RTN1: variants seen among roughly 807,000 people sequenced by gnomAD.
RTN1 encodes the protein reticulon-1.
In RTN1, 25 loss-of-function variants were observed where a neutral mutation model predicts 65.5. The ratio of observed to expected loss-of-function variants is 0.38; its 90% CI spans 0.28 to 0.53. The LOEUF is 0.53. Ranked by LOEUF, RTN1 falls within the 20% of genes least tolerant of loss-of-function variation. The probability of loss-of-function intolerance (pLI) is 0.79; values close to 1 mark genes in which losing one functional copy is unlikely to be tolerated. For missense variants in RTN1, 983 were observed against 1,025.4 expected (o/e 0.96, Z 0.57); for synonymous variants, 471 against 447.6 (o/e 1.05, Z -0.66).
chr14:59,642,763 C>G (rs2140192864), intron 3 of RTN1, among the ~76,000 whole-genome samples: 1 of 152,224 alleles, frequency 6.6e-6, no homozygotes, highest in East Asian at 1.9e-4. Context: ...CAGCCATATC[C>G]AATATCTGGA....
At chr14:59,720,676 C>A (rs1258809053) in intron 3 of RTN1, among the ~76,000 whole-genome samples, 3 of 150,326 alleles carry the variant, frequency 2.0e-5, no homozygotes, top group African/African-American at 7.4e-5. Flanking sequence ...GAGCTGAGAT[C>A]GCGCCACTGC....
chr14:59,602,741 T>G (rs182956138), intron 8 of RTN1, among the ~76,000 whole-genome samples: 12 of 152,326 alleles, frequency 7.9e-5, no homozygotes, highest in Admixed American at 7.2e-4. Flanking sequence ...TTAATTTTAC[T>G]TTTTTGAATC....
At chr14:59,653,957 G>C (rs1429843795) in intron 3 of RTN1, among the ~76,000 whole-genome samples, 1 of 152,022 alleles carries the variant, frequency 6.6e-6, no homozygotes, top group Middle Eastern at 3.2e-3. Flanking sequence ...GGAGTGCAGT[G>C]GCACAATATC....
Position 59,610,697 on chromosome 14 carries a change from C to T in RTN1, c.1766-3205G>A, listed in dbSNP as rs529732983. Among the ~76,000 whole-genome samples, 15 of 152,264 alleles carry T rather than the reference C, an allele frequency of 9.9e-5. No homozygotes were observed. The East Asian group carries it at 2.7e-3, about 27-fold the overall frequency. On this transcript the variant is annotated intron_variant, in intron 3 of 8. Coordinates refer to ENST00000267484, the MANE Select transcript of RTN1 (RefSeq NM_021136.3). ...ATGGTAACTGCCCTTTCCCAAAGCACACCTCCTTCTTGCCTGGGGACTAGA... is the reference window on the plus strand; with the variant it reads ...ATGGTAACTGCCCTTTCCCAAAGCATACCTCCTTCTTGCCTGGGGACTAGA...
chr14:59,777,717 T>C (rs1346934201), intron 1 of RTN1, among the ~76,000 whole-genome samples: 1 of 152,084 alleles, frequency 6.6e-6, no homozygotes, highest in African/African-American at 2.4e-5. Context: ...TGACACTGTA[T>C]TTCCAGCAAA....
chr14:59,860,176 A>C (rs1053249482), intron 1 of RTN1, among the ~76,000 whole-genome samples: 3 of 152,122 alleles, frequency 2.0e-5, no homozygotes, highest in African/African-American at 7.2e-5. Context: ...CCTAGGAGAA[A>C]ATTATTTCAT....
At position 59,829,692 on chromosome 14, in the gene RTN1, G is replaced by A. The variant is rs1887093386; in HGVS notation, c.241+40698C>T. Among the ~76,000 whole-genome samples, 1 of 152,196 alleles carries A rather than the reference G, an allele frequency of 6.6e-6. No individual in the cohort carries two copies. The highest frequency in any genetic ancestry group is 1.5e-5 in the Non-Finnish European group (1 of 68,032). On this transcript the variant is annotated intron_variant, in intron 1 of 8. Transcript: ENST00000267484. The surrounding 1 kb of genome is among the most constrained non-coding windows in gnomAD (Gnocchi z 4.3). ...GCTCTCCACAGTCCTCACACAGGGA[G>A]CAGGCAGAGGGAGGCCCCACTCCTG...
At chr14:59,711,157 T>C (rs1236118529) in intron 3 of RTN1, among the ~76,000 whole-genome samples, 1 of 152,236 alleles carries the variant, frequency 6.6e-6, no homozygotes, top group Non-Finnish European at 1.5e-5. Context: ...GAAGCATTCA[T>C]TGCAGAAGGT....
intron 3 of RTN1, among the ~76,000 whole-genome samples, chr14:59,617,858 T>A (rs1394456774): frequency 6.6e-6 from 1 of 152,170 alleles, no homozygotes; most frequent in African/African-American, 2.4e-5. Flanking sequence ...GCAGTTCCAC[T>A]CTTCTCACCT....
At chr14:59,840,992 T>A (rs1230529405) in intron 1 of RTN1, among the ~76,000 whole-genome samples, 2 of 152,214 alleles carry the variant, frequency 1.3e-5, no homozygotes, top group Non-Finnish European at 2.9e-5. Context: ...GCATCTTTGC[T>A]CCATCCCTTT....
chr14:59,630,538 C>T (rs778856157), intron 3 of RTN1: 5 of 1,612,430 alleles, frequency 3.1e-6, no homozygotes, highest in Non-Finnish European at 4.2e-6. Flanking sequence ...CCGTGGCTCT[C>T]CTCGGGGGCG....
At chr14:59,680,915 TAAAA>T (rs1041107357) in intron 3 of RTN1, among the ~76,000 whole-genome samples, 117 of 151,898 alleles carry the variant, frequency 7.7e-4, no homozygotes, top group Admixed American at 1.3e-3. Context: ...CATATCAAGT[TAAAA>T]AAAGAAGTAT....
chr14:59,852,776 T>A (rs1388348816), intron 1 of RTN1, among the ~76,000 whole-genome samples: 1 of 152,210 alleles, frequency 6.6e-6, no homozygotes, highest in African/African-American at 2.4e-5. Flanking sequence ...GAGCCACAAA[T>A]TCAGTTAGAG....
At position 59,735,038 on chromosome 14, in the gene RTN1, C is replaced by T. The variant is rs563539361; in HGVS notation, c.1016-7370G>A. On this transcript the variant is annotated intron_variant, in intron 2 of 8. Transcript: ENST00000267484. ...AGCCCATCAGACTAACAGTGGACCTCTCAGCAGAAACCCTATAAGCTAGAA... is the reference window on the plus strand; with the variant it reads ...AGCCCATCAGACTAACAGTGGACCTTTCAGCAGAAACCCTATAAGCTAGAA... 1.5e-3 allele frequency among the ~76,000 whole-genome samples: 223 copies of T among 152,190 alleles called. 1 individual carries two copies. The highest frequency in any genetic ancestry group is 1.8e-3 in the Non-Finnish European group (122 of 68,012).
At chr14:59,611,701 G>T (rs1299791230) in intron 3 of RTN1, among the ~76,000 whole-genome samples, 14 of 152,156 alleles carry the variant, frequency 9.2e-5, no homozygotes, top group Admixed American at 9.2e-4. Flanking sequence ...AAGAGTCTTG[G>T]TTTGGGAGAC....
chr14:59,662,042 C>T (rs181097998), intron 3 of RTN1, among the ~76,000 whole-genome samples: 18 of 152,216 alleles, frequency 1.2e-4, no homozygotes, highest in African/African-American at 3.6e-4. Context: ...TGATAAGCAA[C>T]TTGATAAGCA....
At chr14:59,630,212 A>G (rs543173970) in intron 3 of RTN1, among the ~76,000 whole-genome samples, 5 of 148,754 alleles carry the variant, frequency 3.4e-5, no homozygotes, top group Non-Finnish European at 6.0e-5. Flanking sequence ...AAATACCAGC[A>G]TTACAACAAG....
Position 59,794,937 on chromosome 14 carries a change from C to A in RTN1, c.242-48456G>T, listed in dbSNP as rs1018851399. On this transcript the variant is annotated intron_variant, in intron 1 of 8. Transcript: ENST00000267484. This position sits in a 1 kb window ranked among gnomAD's most constrained non-coding sequence, Gnocchi z 5.1. The stretch of plus-strand genomic sequence containing the variant: ...AGAAAAGAATAGATACTGGAGGAAA[C>A]CTAGCAGCTTATGTACCTTGAACTT... 3.9e-5 allele frequency among the ~76,000 whole-genome samples: 6 copies of A among 152,104 alleles called. No homozygotes were observed. Among genetic ancestry groups the A allele is most frequent in the African/African-American group, 1.4e-4 (6 of 41,396 alleles).
At chr14:59,607,631 T>C in intron 3 of RTN1, 139 bp from the exon 4 acceptor site, 1 of 709,824 alleles carries the variant, frequency 1.4e-6, no homozygotes, top group Non-Finnish European at 2.5e-6. Flanking sequence ...AGCAGACAGA[T>C]GGCTGTGCCA....
Sources: allele counts gnomAD v4.1 joint callset (sites outside exome capture counted in the v4.1 genomes callset), GRCh38; gene constraint gnomAD v4.1.1; non-coding constraint Gnocchi (gnomAD v3.1); transcripts MANE v1.5; gene names NCBI Gene and HGNC (gene_info 2026-07-23, HGNC 2026-07-21).